Variants in C1QTNF3 observed in about 807,000 individuals in gnomAD.
The protein encoded by C1QTNF3 is complement C1q tumor necrosis factor-related protein 3.
Under a neutral mutation model 32.6 loss-of-function variants are expected in C1QTNF3, and 26 were observed. That is an observed-to-expected ratio of 0.80 (90% confidence interval 0.58 to 1.11). C1QTNF3 has a LOEUF of 1.11. C1QTNF3 is among the 50% of genes least tolerant of loss of function. The pLI is 0.00. For missense variants in C1QTNF3, 362 were observed against 398.2 expected (o/e 0.91, Z 0.77); for synonymous variants, 155 against 146.0 (o/e 1.06, Z -0.44).
chr5:34,122,360 A>G, the C1QTNF3 span, among the ~76,000 whole-genome samples: 3 of 152,340 alleles, frequency 2.0e-5, no homozygotes, highest in East Asian at 5.8e-4. Context: ...TAAAGGTCAC[A>G]CTGATGAAGT....
At chr5:34,165,954 G>A in the C1QTNF3 span, 14 of 146,108 alleles carry the variant, frequency 9.6e-5, no homozygotes, top group Non-Finnish European at 1.4e-4. Flanking sequence ...TTATATATGA[G>A]TGAAGGTGGT....
chr5:34,107,460 T>A, the C1QTNF3 span, among the ~76,000 whole-genome samples: 2 of 152,016 alleles, frequency 1.3e-5, no homozygotes, highest in African/African-American at 4.8e-5. Context: ...ATATTAATGA[T>A]AATGACAATA....
At chr5:34,115,571 A>G in the C1QTNF3 span, among the ~76,000 whole-genome samples, 2 of 152,052 alleles carry the variant, frequency 1.3e-5, no homozygotes, top group Non-Finnish European at 2.9e-5. Context: ...TCTACTAAAA[A>G]ATACAAAAAA....
At chr5:34,124,450 T>C in the C1QTNF3 span, 1 of 716,626 alleles carries the variant, frequency 1.4e-6, no homozygotes, top group Non-Finnish European at 2.6e-6. Flanking sequence ...GAGCTCTTAG[T>C]CATGGCAGAA....
the C1QTNF3 span, among the ~76,000 whole-genome samples, chr5:34,062,442 G>A: frequency 6.6e-6 from 1 of 152,156 alleles, no homozygotes; most frequent in Non-Finnish European, 1.5e-5. Flanking sequence ...CAATATATGA[G>A]AGATGGATCC....
the C1QTNF3 span, among the ~76,000 whole-genome samples, chr5:34,195,590 C>G: frequency 6.6e-6 from 1 of 152,216 alleles, no homozygotes; most frequent in Non-Finnish European, 1.5e-5. Flanking sequence ...GCCTGTAATC[C>G]CAGCACTTTG....
chr5:34,168,719 A>G, the C1QTNF3 span: 3 of 152,192 alleles, frequency 2.0e-5, no homozygotes, highest in South Asian at 2.1e-4. Context: ...GTCAACTGTG[A>G]TAGTCACTAG....
chr5:34,035,204 C>T (rs1754705947), intron 2 of C1QTNF3, among the ~76,000 whole-genome samples: 1 of 152,132 alleles, frequency 6.6e-6, no homozygotes, highest in East Asian at 1.9e-4. Context: ...TTCCCCATAC[C>T]ACTACATGGT....
chr5:34,099,189 A>G, the C1QTNF3 span, among the ~76,000 whole-genome samples: 1 of 152,132 alleles, frequency 6.6e-6, no homozygotes, highest in African/African-American at 2.4e-5. Context: ...CTGTTTTGAA[A>G]TGAAAGTAAA....
the C1QTNF3 span, among the ~76,000 whole-genome samples, chr5:34,149,542 G>A: frequency 1.1e-3 from 1 of 952 alleles, no homozygotes; most frequent in Non-Finnish European, 1.5e-3. Context: ...AGAGAGTGGG[G>A]GCCAATATTC....
At chr5:34,215,302 T>G in the C1QTNF3 span, among the ~76,000 whole-genome samples, 1 of 152,260 alleles carries the variant, frequency 6.6e-6, no homozygotes, top group South Asian at 2.1e-4. Context: ...TATTAAATAC[T>G]TATATAAACC....
the C1QTNF3 span, among the ~76,000 whole-genome samples, chr5:34,154,682 C>A: frequency 6.6e-6 from 1 of 152,072 alleles, no homozygotes; most frequent in South Asian, 2.1e-4. Context: ...TCATCTAGAT[C>A]AGCGTTTCTC....
the C1QTNF3 span, chr5:34,167,349 C>A: frequency 6.6e-6 from 1 of 152,158 alleles, no homozygotes; most frequent in Non-Finnish European, 1.5e-5. Context: ...CATCTTAATT[C>A]ATCTTTCGAC....
chr5:34,138,254 T>C, the C1QTNF3 span, among the ~76,000 whole-genome samples: 4 of 152,214 alleles, frequency 2.6e-5, no homozygotes, highest in East Asian at 3.8e-4. Context: ...TGGTGCTTAA[T>C]AGATTTTGAA....
At chr5:34,054,438 A>G in the C1QTNF3 span, among the ~76,000 whole-genome samples, 3 of 152,228 alleles carry the variant, frequency 2.0e-5, no homozygotes, top group Non-Finnish European at 2.9e-5. Flanking sequence ...TCTATGGACC[A>G]TAGAATCTTT....
At chr5:34,166,561 A>C in the C1QTNF3 span, 1 of 152,306 alleles carries the variant, frequency 6.6e-6, no homozygotes, top group South Asian at 2.1e-4. Context: ...TCATCAATTA[A>C]GGAAGGTCTT....
chr5:34,178,104 TA>T, the C1QTNF3 span, among the ~76,000 whole-genome samples: 6,597 of 76,418 alleles, frequency 0.086, 614 homozygotes, highest in African/African-American at 0.28. Flanking sequence ...TCATCTCTAC[TA>T]AAAAAAAAAA....
chr5:34,092,391 T>A, the C1QTNF3 span, among the ~76,000 whole-genome samples: 2 of 151,952 alleles, frequency 1.3e-5, no homozygotes, highest in African/African-American at 2.4e-5. Context: ...GTCTTTGACA[T>A]TTAATTTATA....
the C1QTNF3 span, among the ~76,000 whole-genome samples, chr5:34,196,107 A>T: frequency 2.0e-5 from 3 of 152,306 alleles, no homozygotes; most frequent in East Asian, 5.8e-4. Context: ...TTGCACTTCC[A>T]GTCTCCACAA....
Sources: allele counts gnomAD v4.1 joint callset (sites outside exome capture counted in the v4.1 genomes callset), GRCh38; gene constraint gnomAD v4.1.1; transcripts MANE v1.5; gene names NCBI Gene and HGNC (gene_info 2026-07-23, HGNC 2026-07-21).